The following TRPM3 variants were observed in gnomAD, a reference collection of about 807,000 sequenced individuals.
The protein encoded by TRPM3 is transient receptor potential cation channel subfamily M member 3.
A neutral mutation model predicts 181.2 loss-of-function variants in TRPM3; 77 were observed. That is an observed-to-expected ratio of 0.42 (90% CI 0.35 to 0.51). The LOEUF is 0.51. Among genes scored for constraint, TRPM3 ranks in the 20% least tolerant of loss-of-function variants. The probability of loss-of-function intolerance (pLI) is 0.01; values close to 1 mark genes in which losing one functional copy is unlikely to be tolerated. For synonymous variants in TRPM3, 745 were observed against 796.4 expected, an observed-to-expected ratio of 0.94 and a Z score of 1.09; for missense variants, 1,759 against 2,196.7, an observed-to-expected ratio of 0.80 and a Z score of 3.98.
chr9:70,852,734 A>G (rs1002224184), intron 3 of TRPM3, among the ~76,000 whole-genome samples: 1 of 152,114 alleles, frequency 6.6e-6, no homozygotes, highest in Non-Finnish European at 1.5e-5. Context: ...AGCATCCCCT[A>G]TAACTTGACA....
intron 1 of TRPM3, among the ~76,000 whole-genome samples, chr9:71,051,402 TCA>T (rs1452123063): frequency 1.3e-5 from 2 of 152,110 alleles, no homozygotes; most frequent in African/African-American, 4.8e-5. Flanking sequence ...CCATTCTCCT[TCA>T]TTTCAAAGAG....
intron 12 of TRPM3, among the ~76,000 whole-genome samples, chr9:70,632,677 T>A (rs560183485): frequency 6.6e-6 from 1 of 152,342 alleles, no homozygotes; most frequent in African/African-American, 2.4e-5. Context: ...AACTGCATGC[T>A]TATATAATGA....
At chr9:71,164,135 G>A (rs1302157600) in intron 1 of TRPM3, among the ~76,000 whole-genome samples, 1 of 152,156 alleles carries the variant, frequency 6.6e-6, no homozygotes, top group East Asian at 1.9e-4. Flanking sequence ...GCAGCCTCAA[G>A]GTGAATATCC....
At chr9:70,612,833 G>A (rs79939917) in intron 18 of TRPM3, among the ~76,000 whole-genome samples, 4,630 of 152,154 alleles carry the variant, frequency 0.03, 244 homozygotes, top group African/African-American at 0.11. Context: ...CCTCTGTTCT[G>A]CTTATTTATA....
At chr9:70,783,376 C>T (rs2082887986) in intron 7 of TRPM3, among the ~76,000 whole-genome samples, 1 of 152,080 alleles carries the variant, frequency 6.6e-6, no homozygotes. Context: ...CTCACTCACA[C>T]CTTAGGATGG....
At chr9:71,073,103 A>C (rs532889433) in intron 1 of TRPM3, among the ~76,000 whole-genome samples, 1 of 152,312 alleles carries the variant, frequency 6.6e-6, no homozygotes, top group South Asian at 2.1e-4. Context: ...GACAGTCTCA[A>C]GTAGTAACAG....
intron 1 of TRPM3, among the ~76,000 whole-genome samples, chr9:71,021,735 G>T (rs2097849118): frequency 6.6e-6 from 1 of 152,150 alleles, no homozygotes; most frequent in African/African-American, 2.4e-5. Context: ...ATCAAGAGAT[G>T]AAGCTTCCAG....
At chr9:70,680,409 T>A (rs2065120861) in intron 9 of TRPM3, among the ~76,000 whole-genome samples, 1 of 152,202 alleles carries the variant, frequency 6.6e-6, no homozygotes, top group African/African-American at 2.4e-5. Context: ...GGAAAATGAA[T>A]GAAATAGTTG....
chr9:70,700,686 G>A (rs1437059099), intron 8 of TRPM3, among the ~76,000 whole-genome samples: 1 of 152,146 alleles, frequency 6.6e-6, no homozygotes, highest in African/African-American at 2.4e-5. Flanking sequence ...GTGTATACCA[G>A]ATGAAAAAAA....
chr9:70,845,618 G>T (rs1184387120), intron 4 of TRPM3, among the ~76,000 whole-genome samples: 1 of 152,194 alleles, frequency 6.6e-6, no homozygotes, highest in African/African-American at 2.4e-5. Flanking sequence ...GTATCCACAT[G>T]TACAGACTTT....
intron 1 of TRPM3, among the ~76,000 whole-genome samples, chr9:71,408,702 T>C (rs944523703): frequency 1.7e-4 from 26 of 152,140 alleles, no homozygotes; most frequent in African/African-American, 6.3e-4. Flanking sequence ...CCAGGAGAAC[T>C]TCCCCAACCT....
chr9:71,321,465 A>G (rs973029480), intron 1 of TRPM3, among the ~76,000 whole-genome samples: 5 of 152,198 alleles, frequency 3.3e-5, no homozygotes, highest in African/African-American at 7.2e-5. Flanking sequence ...AAAAATCAGC[A>G]ACATGAAACT....
Position 70,555,833 on chromosome 9 carries a change from C to T in TRPM3, c.3224-2523G>A, listed in dbSNP as rs1476300517. Among the ~76,000 whole-genome samples, 3 of 152,320 alleles carry T rather than the reference C, an allele frequency of 2.0e-5. No homozygotes were observed. In the East Asian group the frequency reaches 5.8e-4, roughly 29 times the overall value. On this transcript the variant is annotated intron_variant, in intron 22 of 25. Transcript: ENST00000677713. ...TCTATTCTGCCCTTTCCTCTGGCTCCTGCTCAGATCTCTGTGTAGACGCCA... is the reference window on the plus strand; with the variant it reads ...TCTATTCTGCCCTTTCCTCTGGCTCTTGCTCAGATCTCTGTGTAGACGCCA...
At chr9:70,612,378 A>AAAG (rs1311818381) in intron 18 of TRPM3, among the ~76,000 whole-genome samples, 1 of 152,234 alleles carries the variant, frequency 6.6e-6, no homozygotes, top group Non-Finnish European at 1.5e-5. Flanking sequence ...AAACAAGCTT[A>AAAG]AAGTTGAGAG....
chr9:70,650,321 A>T (rs1211365311), intron 9 of TRPM3, among the ~76,000 whole-genome samples: 1 of 152,206 alleles, frequency 6.6e-6, no homozygotes, highest in Non-Finnish European at 1.5e-5. Context: ...ATAAAAGTTA[A>T]AAGAGGAAAA....
intron 15 of TRPM3, 85 bp downstream of exon 15, chr9:70,621,159 A>T (rs911063470): frequency 3.9e-6 from 2 of 507,986 alleles, no homozygotes; most frequent in African/African-American, 2.1e-5. Flanking sequence ...ATATTATTTT[A>T]TATATATACT....
chr9:70,894,358 T>C (rs550313419), intron 1 of TRPM3, among the ~76,000 whole-genome samples: 1 of 152,310 alleles, frequency 6.6e-6, no homozygotes, highest in African/African-American at 2.4e-5. Context: ...AGGTCAGTGG[T>C]TGCCTGGGCC....
intron 8 of TRPM3, among the ~76,000 whole-genome samples, chr9:70,684,103 G>C (rs2134288006): frequency 6.6e-6 from 1 of 152,314 alleles, no homozygotes; most frequent in East Asian, 1.9e-4. Flanking sequence ...GCTTCATAAA[G>C]ATCACATTTC....
intron 1 of TRPM3, among the ~76,000 whole-genome samples, chr9:70,963,750 C>T (rs1366685289): frequency 2.6e-5 from 4 of 152,110 alleles, no homozygotes; most frequent in African/African-American, 9.7e-5. Flanking sequence ...CCAAAATCTA[C>T]AGTCTTTGCC....
Sources: gnomAD v4.1 joint callset for allele counts (sites outside exome capture counted in the v4.1 genomes callset) on GRCh38, gnomAD v4.1.1 for gene constraint, MANE v1.5 for transcripts, NCBI Gene and HGNC (gene_info 2026-07-23, HGNC 2026-07-21) for gene names.